Variants in NDST4 observed in about 807,000 individuals in gnomAD.
The protein encoded by NDST4 is N-heparan sulfate sulfotransferase 4.
Under a neutral mutation model 100.8 loss-of-function variants are expected in NDST4, and 63 were observed. The observed-to-expected ratio is 0.62, with a 90% CI of 0.51 to 0.77. The LOEUF (loss-of-function observed/expected upper bound fraction) is 0.77, where lower values mean the gene tolerates loss of function less well. Ranked by LOEUF, NDST4 falls within the 30% of genes least tolerant of loss-of-function variation. The pLI, the probability that NDST4 is intolerant of heterozygous loss-of-function variation, is 0.00. For synonymous variants in NDST4, 377 were observed against 361.8 expected, an observed-to-expected ratio of 1.04 and a Z score of -0.48; for missense variants, 943 against 1,018.4, an observed-to-expected ratio of 0.93 and a Z score of 1.01.
intron 7 of NDST4, among the ~76,000 whole-genome samples, chr4:114,865,185 C>G (rs916643226): frequency 6.6e-6 from 1 of 152,052 alleles, no homozygotes; most frequent in African/African-American, 2.4e-5. Flanking sequence ...CTGCCTCAGC[C>G]TCCCAAGTAG....
At chr4:114,862,466 T>G (rs755028124) in intron 7 of NDST4, among the ~76,000 whole-genome samples, 1 of 152,200 alleles carries the variant, frequency 6.6e-6, no homozygotes, top group East Asian at 1.9e-4. Context: ...TCAGAGTAGA[T>G]GTTCACTTCA....
At chr4:115,056,655 AACT>A (rs1314960390) in intron 2 of NDST4, among the ~76,000 whole-genome samples, 4 of 152,122 alleles carry the variant, frequency 2.6e-5, no homozygotes, top group Non-Finnish European at 5.9e-5. Context: ...TTTTATTAGA[AACT>A]ACTGTTTCTC....
In NDST4 at chr4:115,060,291, A is replaced by G. The variant is rs1459994006; in HGVS notation, c.978+15768T>C. 3.3e-5 allele frequency among the ~76,000 whole-genome samples: 5 copies of G among 152,060 alleles called. No individual in the cohort carries two copies. In the East Asian group the frequency reaches 9.7e-4, roughly 29 times the overall value. ...CTCAGCAGAAACATTCTGATGTCTCAATTTGGCAAAAGTTTCTAAGAAAGG... is the reference window on the plus strand; with the variant it reads ...CTCAGCAGAAACATTCTGATGTCTCGATTTGGCAAAAGTTTCTAAGAAAGG... On this transcript the variant is annotated intron_variant, in intron 2 of 13. Coordinates refer to ENST00000264363, the MANE Select transcript of NDST4 (RefSeq NM_022569.3).
At position 114,935,202 on chromosome 4, in the gene NDST4, A is replaced by G. The variant is rs749530450; in HGVS notation, c.1536+4T>C. On this transcript the variant is annotated splice_donor_region_variant and intron_variant, in intron 6 of 13. Transcript: ENST00000264363. ...ATTGTAAGGTGCATACATAGAATAC[A>G]TACTGGGTTTAGAAGGATTGTGAGA... 35 of 1,599,386 alleles carry G rather than the reference A, an allele frequency of 2.2e-5. No individual in the cohort carries two copies. In the South Asian group the frequency reaches 4.0e-4, roughly 18 times the overall value.
intron 2 of NDST4, among the ~76,000 whole-genome samples, chr4:114,979,874 T>C (rs974000406): frequency 2.0e-4 from 31 of 151,910 alleles, no homozygotes; most frequent in Non-Finnish European, 3.7e-4. Flanking sequence ...TCTTAAAAAG[T>C]TTTCAAGGCT....
At chr4:115,112,806 C>T (rs957010003) in intron 1 of NDST4, among the ~76,000 whole-genome samples, 1 of 151,856 alleles carries the variant, frequency 6.6e-6, no homozygotes, top group Non-Finnish European at 1.5e-5. Flanking sequence ...TCCTAGGAAA[C>T]TATGCTTAGG....
chr4:114,873,406 C>A (rs1310586951), intron 6 of NDST4, among the ~76,000 whole-genome samples: 1 of 151,352 alleles, frequency 6.6e-6, no homozygotes, highest in Non-Finnish European at 1.5e-5. Context: ...AAATTTAAAT[C>A]ATTTAAAAAT....
chr4:115,088,008 G>T (rs1729441780), intron 1 of NDST4, among the ~76,000 whole-genome samples: 1 of 151,474 alleles, frequency 6.6e-6, no homozygotes, highest in Admixed American at 6.6e-5. Flanking sequence ...TTTACACTTA[G>T]ATTATGATAG....
intron 2 of NDST4, among the ~76,000 whole-genome samples, chr4:115,038,891 G>C (rs1354289250): frequency 6.6e-6 from 1 of 152,080 alleles, no homozygotes; most frequent in African/African-American, 2.4e-5. Flanking sequence ...GTGTTAGGAG[G>C]CTCACTTGAG....
chr4:115,029,662 T>G (rs1384399300), intron 2 of NDST4, among the ~76,000 whole-genome samples: 1 of 152,096 alleles, frequency 6.6e-6, no homozygotes, highest in African/African-American at 2.4e-5. Context: ...GTTTGCCAGA[T>G]GCTCAAATGA....
chr4:115,019,047 T>G (rs1187439906), intron 2 of NDST4, among the ~76,000 whole-genome samples: 4 of 152,010 alleles, frequency 2.6e-5, no homozygotes. Flanking sequence ...TTTTTATAAT[T>G]CTAAATTTTC....
intron 2 of NDST4, among the ~76,000 whole-genome samples, chr4:115,004,985 G>A (rs1028509113): frequency 6.6e-6 from 1 of 151,948 alleles, no homozygotes; most frequent in Non-Finnish European, 1.5e-5. Flanking sequence ...ACAAGAACTG[G>A]ATTCTTTAAT....
rs771195300 is a variant in NDST4, at chr4:115,077,261, T to C, written c.-225A>G. The C allele has an allele frequency of 4.2e-4, 151 of 356,452 alleles. No individual in the cohort carries two copies. Among genetic ancestry groups the C allele is most frequent in the Non-Finnish European group, 4.6e-4 (90 of 197,470 alleles). 22.1% of individuals were successfully genotyped at this position (356,452 alleles called of 1,614,324 possible). ...GAATATGTCCAATACTGAGAATTGC[T>C]GCAGAATCCTCTAAGCATAATCTGA... On this transcript the variant is annotated 5_prime_UTR_variant, in exon 2 of 14. Coordinates refer to ENST00000264363, the MANE Select transcript of NDST4 (RefSeq NM_022569.3).
At chr4:115,035,724 G>A (rs1728218427) in intron 2 of NDST4, among the ~76,000 whole-genome samples, 1 of 151,978 alleles carries the variant, frequency 6.6e-6, no homozygotes, top group African/African-American at 2.4e-5. Context: ...TGAAGAGTCA[G>A]AACATCTAAC....
intron 2 of NDST4, among the ~76,000 whole-genome samples, chr4:115,043,506 G>A (rs776723690): frequency 1.3e-5 from 2 of 151,976 alleles, no homozygotes; most frequent in South Asian, 2.1e-4. Flanking sequence ...CAGAAAAAAC[G>A]AAGTCAGGAA....
In NDST4 at chr4:115,007,671, G is replaced by A. The variant is rs538290017; in HGVS notation, c.979-30397C>T. Among the ~76,000 whole-genome samples the A allele has an allele frequency of 1.0e-3, 86 of 84,700 alleles. 16 individuals carry two copies. Among genetic ancestry groups the A allele is most frequent in the African/African-American group, 3.6e-3 (79 of 21,814 alleles). The allele number at this position is 84,700 out of a possible 152,430, so 55.6% of individuals were successfully genotyped here. A position where few individuals can be genotyped will look rare whatever the true frequency, so the allele number is the denominator to read the frequency against. ...GGTTGGGAGAAATGGGATATGAAACGCAGGGAATCATTTACCACACAAAAA... is the reference window on the plus strand; with the variant it reads ...GGTTGGGAGAAATGGGATATGAAACACAGGGAATCATTTACCACACAAAAA... On this transcript the variant is annotated intron_variant, in intron 2 of 13. Transcript: ENST00000264363.
intron 6 of NDST4, among the ~76,000 whole-genome samples, chr4:114,909,780 T>C (rs1034571247): frequency 3.3e-5 from 5 of 152,076 alleles, no homozygotes; most frequent in Admixed American, 3.3e-4. Context: ...AAACACTTAT[T>C]GGTTAATAAA....
Position 115,076,293 on chromosome 4 carries a change from A to T in NDST4, c.744T>A (p.Ser248=). The change falls in exon 2 of 14, where the codon TCT becomes TCA. Residue 248 remains serine, a synonymous_variant. Transcript: ENST00000264363. ...TCACCGTTGCAAAGAGTGTTTTGCTAGACAAGGATGACAGGGATTTTTCTG... is the reference window on the plus strand; with the variant it reads ...TCACCGTTGCAAAGAGTGTTTTGCTTGACAAGGATGACAGGGATTTTTCTG... The part of the protein sequence containing the change: ...LQTEKSLSSL[S]SKTLFATVIQ... 6.2e-7 allele frequency: 1 copy of T among 1,613,990 alleles called. No homozygotes were observed.
intron 2 of NDST4, among the ~76,000 whole-genome samples, chr4:115,029,288 G>A (rs1010163006): frequency 2.6e-5 from 4 of 151,992 alleles, no homozygotes; most frequent in South Asian, 2.1e-4. Flanking sequence ...GAGAAGGAGC[G>A]GTTGAAAAAT....
Sources: allele counts gnomAD v4.1 joint callset (sites outside exome capture counted in the v4.1 genomes callset), GRCh38; gene constraint gnomAD v4.1.1; transcripts MANE v1.5; gene names NCBI Gene and HGNC (gene_info 2026-07-23, HGNC 2026-07-21).